The following DTD1 variants were observed in gnomAD, a reference collection of about 807,000 sequenced individuals.
DTD1 encodes the protein D-aminoacyl-tRNA deacylase 1.
DTD1 carries 13 observed loss-of-function variants against 25.6 expected under a neutral mutation model. That is an observed-to-expected ratio of 0.51 (90% CI 0.33 to 0.81). The LOEUF (loss-of-function observed/expected upper bound fraction) is 0.81, where lower values mean the gene tolerates loss of function less well. Among genes scored for constraint, DTD1 ranks in the 30% least tolerant of loss-of-function variants. DTD1 has a pLI of 0.02. For missense variants in DTD1, 193 were observed against 266.4 expected, an observed-to-expected ratio of 0.72 and a Z score of 1.92; for synonymous variants, 110 against 103.6, an observed-to-expected ratio of 1.06 and a Z score of -0.37.
chr20:18,682,794 G>A (rs535585029), intron 4 of DTD1, among the ~76,000 whole-genome samples: 3 of 152,206 alleles, frequency 2.0e-5, no homozygotes, highest in Non-Finnish European at 4.4e-5. Context: ...CTGGAAGAAG[G>A]TTCTTATGGG....
intron 3 of DTD1, among the ~76,000 whole-genome samples, chr20:18,622,644 C>G (rs1377435827): frequency 6.6e-6 from 1 of 152,092 alleles, no homozygotes; most frequent in Non-Finnish European, 1.5e-5. Context: ...CATCTGTATT[C>G]AAAGGAGAAA....
chr20:18,724,117 T>C (rs527769359), intron 4 of DTD1, among the ~76,000 whole-genome samples: 16 of 152,326 alleles, frequency 1.1e-4, no homozygotes, highest in Middle Eastern at 3.4e-3. Flanking sequence ...CTCACGTTCA[T>C]TGGCCAGAAT....
intron 4 of DTD1, among the ~76,000 whole-genome samples, chr20:18,735,695 T>C (rs920350163): frequency 1.3e-5 from 2 of 152,166 alleles, no homozygotes; most frequent in Non-Finnish European, 2.9e-5. Context: ...TTTTGTAAAT[T>C]GTAGACTCAA....
intron 4 of DTD1, among the ~76,000 whole-genome samples, chr20:18,655,557 A>G (rs2060888566): frequency 6.6e-6 from 1 of 152,202 alleles, no homozygotes; most frequent in Admixed American, 6.5e-5. Context: ...TGTATCAGCA[A>G]TTATCAGCCA....
At position 18,676,865 on chromosome 20, in the gene DTD1, G is replaced by A. The variant is rs545957390; in HGVS notation, c.477+48632G>A. ...GCATGCGCTGGAGTAATTCTCGTTC[G>A]CCCTTGAGTAATTCCATATCAAGCC... On this transcript the variant is annotated intron_variant, in intron 4 of 5. Coordinates refer to ENST00000377452, the MANE Select transcript of DTD1 (RefSeq NM_080820.6). 7.2e-5 allele frequency among the ~76,000 whole-genome samples: 11 copies of A among 152,190 alleles called. No individual in the cohort carries two copies. In the South Asian group the frequency reaches 1.9e-3, roughly 26 times the overall value.
chr20:18,679,703 C>A (rs2060989345), intron 4 of DTD1, among the ~76,000 whole-genome samples: 1 of 152,104 alleles, frequency 6.6e-6, no homozygotes, highest in South Asian at 2.1e-4. Context: ...AAATAAGTAA[C>A]CAAATTCTGT....
intron 4 of DTD1, among the ~76,000 whole-genome samples, chr20:18,713,584 T>C (rs1194970269): frequency 6.6e-6 from 1 of 152,198 alleles, no homozygotes; most frequent in African/African-American, 2.4e-5. Flanking sequence ...ATCCTTAGCC[T>C]GGGTTCACGT....
At chr20:18,734,998 G>A (rs2061250566) in intron 4 of DTD1, among the ~76,000 whole-genome samples, 2 of 152,350 alleles carry the variant, frequency 1.3e-5, no homozygotes, top group East Asian at 3.9e-4. Context: ...GGCCACAGGA[G>A]TGGGCGAGAA....
At chr20:18,638,876 A>G (rs2060818471) in intron 4 of DTD1, among the ~76,000 whole-genome samples, 1 of 152,138 alleles carries the variant, frequency 6.6e-6, no homozygotes, top group South Asian at 2.1e-4. Context: ...GAGGCCCTCA[A>G]CCACTCTCAT....
intron 4 of DTD1, among the ~76,000 whole-genome samples, chr20:18,693,042 CA>C (rs1194320410): frequency 6.6e-6 from 1 of 152,010 alleles, no homozygotes; most frequent in Non-Finnish European, 1.5e-5. Context: ...AGGCGCGTGT[CA>C]CCACGCCTGG....
Position 18,628,179 on chromosome 20 carries a change from G to T in DTD1, c.423G>T (p.Val141=). 1 of 1,613,924 alleles carries T rather than the reference G, an allele frequency of 6.2e-7. No homozygotes were observed. The highest frequency in any genetic ancestry group is 1.1e-5 in the South Asian group (1 of 91,046). The change falls in exon 4 of 6, where the codon GTG becomes GTT. Residue 141 remains valine (V), a synonymous_variant. Transcript: ENST00000377452. The part of the protein sequence containing the change: ...MQVHIQNDGP[V]TIELESPAPG... ...TGCACATTCAGAATGATGGGCCTGT[G>T]ACCATAGAGCTGGAATCGCCAGCTC... is the stretch of plus-strand genomic sequence containing the variant.
chr20:18,752,489 C>A (rs1192792404), intron 5 of DTD1, among the ~76,000 whole-genome samples: 1 of 152,110 alleles, frequency 6.6e-6, no homozygotes, highest in Non-Finnish European at 1.5e-5. Context: ...CAGAGGCATC[C>A]TTCATTTCTG....
intron 4 of DTD1, among the ~76,000 whole-genome samples, chr20:18,635,391 A>G (rs897315314): frequency 6.6e-6 from 1 of 152,158 alleles, no homozygotes; most frequent in Non-Finnish European, 1.5e-5. Flanking sequence ...AAGGCCTCCT[A>G]CCAGGGCTAG....
intron 4 of DTD1, among the ~76,000 whole-genome samples, chr20:18,678,180 G>T (rs2060983419): frequency 6.6e-6 from 1 of 152,244 alleles, no homozygotes; most frequent in African/African-American, 2.4e-5. Flanking sequence ...TTGTGTACTG[G>T]AGCGACCTGA....
At chr20:18,632,064 G>A in intron 4 of DTD1, 1 of 881,720 alleles carries the variant, frequency 1.1e-6, no homozygotes, top group Non-Finnish European at 1.4e-6. Flanking sequence ...GTAACTGTGT[G>A]AGATGCTGGA....
chr20:18,611,834 G>C (rs2060687639), intron 3 of DTD1, among the ~76,000 whole-genome samples: 1 of 151,904 alleles, frequency 6.6e-6, no homozygotes, highest in Non-Finnish European at 1.5e-5. Flanking sequence ...TGGTCCTCAC[G>C]CATGTTTTTT....
intron 4 of DTD1, among the ~76,000 whole-genome samples, chr20:18,695,755 C>T (rs1488212502): frequency 6.6e-6 from 1 of 151,444 alleles, no homozygotes; most frequent in Non-Finnish European, 1.5e-5. Flanking sequence ...ACTTCAGCCT[C>T]AACCCCCAAG....
chr20:18,739,558 A>C (rs1050710496), intron 4 of DTD1, among the ~76,000 whole-genome samples: 3 of 152,204 alleles, frequency 2.0e-5, no homozygotes, highest in Non-Finnish European at 4.4e-5. Flanking sequence ...TTGATTAAAA[A>C]CAAGCAAACA....
chr20:18,714,792 A>AG (rs769849975), intron 4 of DTD1, among the ~76,000 whole-genome samples: 5 of 152,198 alleles, frequency 3.3e-5, no homozygotes, highest in Non-Finnish European at 7.3e-5. Context: ...ATTTCTCCTC[A>AG]GGGCAAAACT....
Sources: allele counts gnomAD v4.1 joint callset (sites outside exome capture counted in the v4.1 genomes callset), GRCh38; gene constraint gnomAD v4.1.1; transcripts MANE v1.5; gene names NCBI Gene and HGNC (gene_info 2026-07-23, HGNC 2026-07-21).